Variants in BIVM observed in about 807,000 individuals in gnomAD.
BIVM encodes basic, immunoglobulin-like variable motif containing.
BIVM carries 31 observed loss-of-function variants against 61.4 expected under a neutral mutation model. That is an observed-to-expected ratio of 0.51 (90% CI 0.38 to 0.68). BIVM has a LOEUF of 0.68. BIVM is among the 30% of genes least tolerant of loss of function. The probability of loss-of-function intolerance (pLI) is 0.00; values close to 1 mark genes in which losing one functional copy is unlikely to be tolerated. For missense variants in BIVM, 526 were observed against 596.0 expected, an observed-to-expected ratio of 0.88 and a Z score of 1.22; for synonymous variants, 189 against 210.7, an observed-to-expected ratio of 0.90 and a Z score of 0.89.
At chr13:102,811,774 C>G (rs1879514764) in intron 3 of BIVM, among the ~76,000 whole-genome samples, 1 of 152,252 alleles carries the variant, frequency 6.6e-6, no homozygotes, top group African/African-American at 2.4e-5. Flanking sequence ...CCGCCTGCCT[C>G]AGCCTCCCAA....
At chr13:102,814,111 GTGTT>G (rs1277179188) in intron 3 of BIVM, among the ~76,000 whole-genome samples, 1 of 152,134 alleles carries the variant, frequency 6.6e-6, no homozygotes, top group Non-Finnish European at 1.5e-5. Context: ...GTCTGTGTGT[GTGTT>G]TGGTGTTGAG....
intron 3 of BIVM, among the ~76,000 whole-genome samples, chr13:102,813,212 T>C (rs1242786706): frequency 2.0e-5 from 3 of 152,240 alleles, no homozygotes; most frequent in Non-Finnish European, 4.4e-5. Flanking sequence ...TTTAAAAATG[T>C]AATTTGAAGC....
intron 7 of BIVM, among the ~76,000 whole-genome samples, chr13:102,829,863 ATAAT>A (rs60096615): frequency 0.19 from 28,811 of 151,766 alleles, 2,896 homozygotes; most frequent in East Asian, 0.36. Flanking sequence ...AATAAAATAA[ATAAT>A]TAAATAAATG....
At chr13:102,837,538 G>A (rs1049838167) in intron 9 of BIVM, among the ~76,000 whole-genome samples, 3 of 152,122 alleles carry the variant, frequency 2.0e-5, no homozygotes, top group Non-Finnish European at 4.4e-5. Flanking sequence ...ATTTGATCCA[G>A]CAATCCCACT....
chr13:102,820,466 T>A (rs1880190629), intron 4 of BIVM: 1 of 152,640 alleles, frequency 6.6e-6, no homozygotes, highest in South Asian at 2.1e-4. Context: ...TTTCTTCTCT[T>A]GAATCATGAC....
At chr13:102,838,260 ATT>A (rs1323557052) in intron 9 of BIVM, among the ~76,000 whole-genome samples, 1 of 152,148 alleles carries the variant, frequency 6.6e-6, no homozygotes, top group Non-Finnish European at 1.5e-5. Flanking sequence ...ATTCCCTTGG[ATT>A]TTCTGCACAA....
chr13:102,802,468 ATCTT>A (rs1217143272), intron 1 of BIVM, among the ~76,000 whole-genome samples: 1 of 152,158 alleles, frequency 6.6e-6, no homozygotes, highest in Non-Finnish European at 1.5e-5. Context: ...TTCCTGTAAT[ATCTT>A]TTGGTACTTT....
At chr13:102,832,440 G>A (rs1331502656) in intron 8 of BIVM, among the ~76,000 whole-genome samples, 3 of 152,160 alleles carry the variant, frequency 2.0e-5, no homozygotes, top group African/African-American at 7.2e-5. Flanking sequence ...GGCCTCAAGT[G>A]GTCCTTATTC....
chr13:102,834,583 T>C (rs1331706261), intron 9 of BIVM, 31 bp downstream of exon 9: 2 of 1,553,732 alleles, frequency 1.3e-6, no homozygotes. Flanking sequence ...TTTCTTTAAT[T>C]GAGGTAACAT....
Position 102,808,000 on chromosome 13 carries a change from T to A in BIVM, c.478+255T>A, listed in dbSNP as rs1337894999. ...TGAGAGATTTGAAAATCTAATAATGTAAAATATTATAAACAGATGGTAGCT... is the reference window on the plus strand; with the variant it reads ...TGAGAGATTTGAAAATCTAATAATGAAAAATATTATAAACAGATGGTAGCT... On this transcript the variant is annotated intron_variant, in intron 3 of 10. Coordinates refer to ENST00000257336, the MANE Select transcript of BIVM (RefSeq NM_017693.4). This position sits in a 1 kb window ranked among gnomAD's most constrained non-coding sequence, Gnocchi z 4.0. 6.6e-6 allele frequency among the ~76,000 whole-genome samples: 1 copy of A among 152,204 alleles called. No individual in the cohort carries two copies. Among genetic ancestry groups the A allele is most frequent in the Non-Finnish European group, 1.5e-5 (1 of 68,030 alleles).
chr13:102,801,011 T>G (rs1028278425), intron 1 of BIVM, among the ~76,000 whole-genome samples: 8 of 152,244 alleles, frequency 5.3e-5, no homozygotes, highest in Non-Finnish European at 4.4e-5. Context: ...AAATATAACC[T>G]GAAAAGACTA....
intron 9 of BIVM, among the ~76,000 whole-genome samples, chr13:102,837,771 G>A (rs540927578): frequency 6.6e-6 from 1 of 152,324 alleles, no homozygotes; most frequent in South Asian, 2.1e-4. Flanking sequence ...GGAGCCGGAG[G>A]CCGTTATTCT....
intron 3 of BIVM, among the ~76,000 whole-genome samples, chr13:102,811,365 A>T (rs1285700478): frequency 1.3e-5 from 2 of 150,274 alleles, no homozygotes; most frequent in Non-Finnish European, 3.0e-5. Context: ...TCTTGTTTGA[A>T]TTTTTTTTTT....
At position 102,834,499 on chromosome 13, in the gene BIVM, T is replaced by C; in HGVS notation, c.1068T>C (p.Tyr356=). The part of the protein sequence containing the change: ...RGPLSPQEVE[Y]WILIGESSRK... ...CTCTCTCACCACAGGAAGTTGAATA[T>C]TGGATCTTAATTGGAGAATCAAGTA... is the stretch of plus-strand genomic sequence containing the variant. The change falls in exon 9 of 11, where the codon TAT becomes TAC. Residue 356 remains tyrosine, a synonymous_variant. Transcript: ENST00000257336. 1.3e-6 allele frequency: 2 copies of C among 1,596,374 alleles called. No homozygotes were observed. Among genetic ancestry groups the C allele is most frequent in the Non-Finnish European group, 1.7e-6 (2 of 1,174,726 alleles).
intron 3 of BIVM, among the ~76,000 whole-genome samples, chr13:102,809,122 C>A (rs1459906115): frequency 6.6e-6 from 1 of 152,050 alleles, no homozygotes; most frequent in Non-Finnish European, 1.5e-5. Context: ...AAGCTTAGAT[C>A]ATTGATTTTA....
chr13:102,809,786 TC>T (rs1879354168), intron 3 of BIVM, among the ~76,000 whole-genome samples: 1 of 78,722 alleles, frequency 1.3e-5, no homozygotes, highest in African/African-American at 3.4e-5. Context: ...TTCTTTTCTT[TC>T]TTTTTTTTTT....
rs1484304001 is a variant in BIVM, at chr13:102,821,085, A to G, written c.654A>G (p.Ser218=). 1.9e-6 allele frequency: 3 copies of G among 1,613,650 alleles called. No individual in the cohort carries two copies. Among genetic ancestry groups the G allele is most frequent in the Admixed American group, 1.7e-5 (1 of 59,930 alleles). ...ATAAGACTTCTTGTGGCATCTCTTC[A>G]TTAATTTCTTGTTGGAATTTCTTAT... ...PQYKTSCGIS[S]LISCWNFLYS... Residue 218 remains serine (S), a synonymous_variant, in exon 5 of 11, where the codon TCA becomes TCG. Coordinates refer to ENST00000257336, the MANE Select transcript of BIVM (RefSeq NM_017693.4).
intron 4 of BIVM, among the ~76,000 whole-genome samples, chr13:102,819,223 G>A (rs767399223): frequency 6.6e-6 from 1 of 152,228 alleles, no homozygotes; most frequent in Non-Finnish European, 1.5e-5. Context: ...ATAGGGGAAA[G>A]GGGTAAAAGG....
chr13:102,824,794 C>T (rs1286819299), intron 7 of BIVM, among the ~76,000 whole-genome samples: 3 of 152,012 alleles, frequency 2.0e-5, no homozygotes, highest in African/African-American at 4.8e-5. Flanking sequence ...GGTCTCATTC[C>T]GTCCACTAGG....
Sources: gnomAD v4.1 joint callset for allele counts (sites outside exome capture counted in the v4.1 genomes callset) on GRCh38, gnomAD v4.1.1 for gene constraint, Gnocchi (gnomAD v3.1) non-coding constraint, MANE v1.5 for transcripts, NCBI Gene and HGNC (gene_info 2026-07-23, HGNC 2026-07-21) for gene names.